Variants in FHOD3 observed in about 807,000 individuals in gnomAD.
FHOD3 encodes FH1/FH2 domain-containing protein 3.
In FHOD3, 90 loss-of-function variants were observed where a neutral mutation model predicts 173.0. The ratio of observed to expected loss-of-function variants is 0.52; its 90% CI spans 0.44 to 0.62. FHOD3 has a LOEUF of 0.62. FHOD3 is among the 20% of genes least tolerant of loss of function. FHOD3 has a pLI of 0.00. For synonymous variants in FHOD3, 828 were observed against 823.0 expected (o/e 1.01, Z -0.10); for missense variants, 1,945 against 2,034.7 (o/e 0.96, Z 0.85).
intron 5 of FHOD3, among the ~76,000 whole-genome samples, chr18:36,559,513 C>A (rs2058016029): frequency 6.6e-6 from 1 of 152,186 alleles, no homozygotes; most frequent in South Asian, 2.1e-4. Flanking sequence ...CTACAGCCCC[C>A]ACCAATACTA....
In FHOD3 at chr18:36,649,368, G is replaced by A. The variant is rs1038498834; in HGVS notation, c.1249G>A (p.Glu417Lys). 1.2e-5 allele frequency: 19 copies of A among 1,535,560 alleles called. No homozygotes were observed. The highest frequency in any genetic ancestry group is 2.7e-5 in the African/African-American group (2 of 72,980). ...QPITEPSSEE[E>K]REDDASCQGK... ...AATCACGGAGCCCAGTTCCGAAGAA[G>A]AGAGAGAGGATGATGCTTCCTGTCA... Residue 417 changes from glutamate to lysine, a missense_variant, in exon 11 of 29, where the codon GAG becomes AAG. Physicochemically the swap from Glu to Lys is moderately conservative, Grantham distance 56. Coordinates refer to ENST00000590592, the MANE Select transcript of FHOD3 (RefSeq NM_001281740.3).
At chr18:36,378,728 C>G (rs548012380) in intron 3 of FHOD3, among the ~76,000 whole-genome samples, 1 of 152,244 alleles carries the variant, frequency 6.6e-6, no homozygotes, top group African/African-American at 2.4e-5. Context: ...GTTGCCCATG[C>G]TGGAGTGCAG....
intron 5 of FHOD3, among the ~76,000 whole-genome samples, chr18:36,575,736 G>T (rs980246289): frequency 6.6e-6 from 1 of 152,106 alleles, no homozygotes; most frequent in Non-Finnish European, 1.5e-5. Flanking sequence ...AGATTATTTT[G>T]ATAATAATGG....
At chr18:36,610,624 G>T (rs894021627) in intron 8 of FHOD3, among the ~76,000 whole-genome samples, 1 of 152,146 alleles carries the variant, frequency 6.6e-6, no homozygotes, top group African/African-American at 2.4e-5. Flanking sequence ...TGTCCTCTTT[G>T]CTCAGCTTAA....
chr18:36,363,623 C>T lies in FHOD3; in HGVS notation c.272+7978C>T, dbSNP rs1394160015. 5.3e-5 allele frequency among the ~76,000 whole-genome samples: 8 copies of T among 151,972 alleles called. No individual in the cohort carries two copies. The East Asian group carries it at 5.8e-4, about 11-fold the overall frequency. On this transcript the variant is annotated intron_variant, in intron 2 of 28. Coordinates refer to ENST00000590592, the MANE Select transcript of FHOD3 (RefSeq NM_001281740.3). ...TGGAGACAGTGAAAAGATCTGTTGC[C>T]GGAGTGGGAGTTGAGATTGGGAGAT...
chr18:36,444,769 T>C (rs767100707), intron 3 of FHOD3, among the ~76,000 whole-genome samples: 1 of 152,166 alleles, frequency 6.6e-6, no homozygotes, highest in Non-Finnish European at 1.5e-5. Context: ...CAGAGAGATA[T>C]TTTTTATTCT....
At chr18:36,389,198 G>A (rs1465450626) in intron 3 of FHOD3, among the ~76,000 whole-genome samples, 2 of 152,164 alleles carry the variant, frequency 1.3e-5, no homozygotes, top group African/African-American at 4.8e-5. Flanking sequence ...AGAAGAAGAA[G>A]AGGAAGAAGA....
In FHOD3 at chr18:36,314,313, T is replaced by G. The variant is rs866980778; in HGVS notation, c.165+16313T>G. 7.9e-5 allele frequency among the ~76,000 whole-genome samples: 12 copies of G among 152,218 alleles called. No homozygotes were observed. In the East Asian group the frequency reaches 2.3e-3, roughly 29 times the overall value. ...GGACAACGCCTATGACAGAGCTGTG[T>G]GAGAATCACTTCTCAATCCCCATGG... On this transcript the variant is annotated intron_variant, in intron 1 of 28. Coordinates refer to ENST00000590592, the MANE Select transcript of FHOD3 (RefSeq NM_001281740.3).
At chr18:36,329,106 A>G (rs969676913) in intron 1 of FHOD3, among the ~76,000 whole-genome samples, 9 of 152,116 alleles carry the variant, frequency 5.9e-5, no homozygotes, top group Admixed American at 5.2e-4. Context: ...TGCTGATTTC[A>G]TGCCCCAAGG....
chr18:36,360,771 T>C (rs9963440), intron 2 of FHOD3, among the ~76,000 whole-genome samples: 83,675 of 152,080 alleles, frequency 0.55, 24,955 homozygotes, highest in African/African-American at 0.77. Context: ...AAGCCTTCAT[T>C]GGATTCTCAA....
At chr18:36,322,952 A>G (rs1217829137) in intron 1 of FHOD3, among the ~76,000 whole-genome samples, 2 of 152,160 alleles carry the variant, frequency 1.3e-5, no homozygotes, top group African/African-American at 4.8e-5. Flanking sequence ...CTGGAGGGTA[A>G]CCCTCATGGG....
intron 5 of FHOD3, among the ~76,000 whole-genome samples, chr18:36,530,176 G>T (rs2056722540): frequency 1.3e-5 from 2 of 152,282 alleles, no homozygotes; most frequent in South Asian, 4.2e-4. Flanking sequence ...TTAGAAAACG[G>T]TATAAAGAGT....
intron 3 of FHOD3, among the ~76,000 whole-genome samples, chr18:36,434,888 A>G (rs2050734651): frequency 6.6e-6 from 1 of 152,070 alleles, no homozygotes; most frequent in East Asian, 1.9e-4. Context: ...TTAACCTTAT[A>G]GCCTGCAATT....
At chr18:36,313,286 TAAAA>T (rs538682433) in intron 1 of FHOD3, among the ~76,000 whole-genome samples, 1 of 152,148 alleles carries the variant, frequency 6.6e-6, no homozygotes, top group Non-Finnish European at 1.5e-5. Flanking sequence ...TTTGTGAACT[TAAAA>T]AAAACCTTCA....
chr18:36,698,060 C>G (rs2039386623), intron 17 of FHOD3, among the ~76,000 whole-genome samples: 3 of 152,200 alleles, frequency 2.0e-5, no homozygotes, highest in Admixed American at 2.0e-4. Flanking sequence ...CATGCTAGTT[C>G]TCTTGCATAA....
At chr18:36,645,556 A>G (rs865802530) in intron 10 of FHOD3, among the ~76,000 whole-genome samples, 4 of 152,166 alleles carry the variant, frequency 2.6e-5, no homozygotes, top group African/African-American at 4.8e-5. Context: ...CTCCCTTCTT[A>G]GTTACATAAT....
chr18:36,625,084 G>A (rs1396598185), intron 9 of FHOD3, among the ~76,000 whole-genome samples: 2 of 152,092 alleles, frequency 1.3e-5, no homozygotes, highest in South Asian at 2.1e-4. Context: ...TTGGGAAAGC[G>A]AGCTCAAGAC....
At chr18:36,539,165 T>C (rs1212087771) in intron 5 of FHOD3, among the ~76,000 whole-genome samples, 3 of 152,364 alleles carry the variant, frequency 2.0e-5, no homozygotes, top group African/African-American at 4.8e-5. Context: ...ACATTTGTTA[T>C]GTTCAACGAA....
At chr18:36,586,011 C>T (rs531192046) in intron 6 of FHOD3, among the ~76,000 whole-genome samples, 7 of 152,294 alleles carry the variant, frequency 4.6e-5, no homozygotes, top group African/African-American at 1.7e-4. Flanking sequence ...AGCCCTTCTC[C>T]CCCTACTCCA....
Sources: allele counts gnomAD v4.1 joint callset (sites outside exome capture counted in the v4.1 genomes callset), GRCh38; gene constraint gnomAD v4.1.1; transcripts MANE v1.5; gene names NCBI Gene and HGNC (gene_info 2026-07-23, HGNC 2026-07-21).